The following NR1H4 variants were observed in gnomAD, a reference collection of about 807,000 sequenced individuals.
NR1H4 encodes the protein nuclear receptor subfamily 1 group H member 4.
A neutral mutation model predicts 58.5 loss-of-function variants in NR1H4; 23 were observed. The observed-to-expected ratio is 0.39, with a 90% CI of 0.28 to 0.56. The LOEUF (loss-of-function observed/expected upper bound fraction) is 0.56, where lower values mean the gene tolerates loss of function less well. Among genes scored for constraint, NR1H4 ranks in the 20% least tolerant of loss-of-function variants. NR1H4 has a pLI of 0.58. For synonymous variants in NR1H4, 214 were observed against 198.0 expected, an observed-to-expected ratio of 1.08 and a Z score of -0.68; for missense variants, 487 against 576.9, an observed-to-expected ratio of 0.84 and a Z score of 1.60.
At chr12:100,511,501 C>G (rs185450571) in intron 4 of NR1H4, among the ~76,000 whole-genome samples, 4 of 152,044 alleles carry the variant, frequency 2.6e-5, no homozygotes, top group African/African-American at 9.6e-5. Flanking sequence ...ATGAACACAT[C>G]TCTTTTAAAA....
At chr12:100,560,062 A>G (rs1200417482) in intron 9 of NR1H4, among the ~76,000 whole-genome samples, 6 of 151,938 alleles carry the variant, frequency 3.9e-5, no homozygotes, top group Admixed American at 6.6e-5. Context: ...GAATGCACCA[A>G]TCGACACTCT....
intron 1 of NR1H4, among the ~76,000 whole-genome samples, chr12:100,478,979 T>C (rs1249967231): frequency 1.3e-5 from 2 of 152,192 alleles, no homozygotes; most frequent in Non-Finnish European, 2.9e-5. Flanking sequence ...TTCCTAATTA[T>C]TATTAGTTTC....
At chr12:100,488,375 A>G (rs1953540152) in intron 1 of NR1H4, among the ~76,000 whole-genome samples, 3 of 152,204 alleles carry the variant, frequency 2.0e-5, no homozygotes, top group South Asian at 4.1e-4. Context: ...GCCTTTTGGC[A>G]TGGAAAATGA....
chr12:100,545,359 G>T (rs973940610), intron 9 of NR1H4, among the ~76,000 whole-genome samples: 3 of 152,024 alleles, frequency 2.0e-5, no homozygotes, highest in Admixed American at 2.0e-4. Context: ...CATATATAAG[G>T]CTGAGCATGC....
chr12:100,530,561 C>T (rs767400066), intron 4 of NR1H4, among the ~76,000 whole-genome samples: 11 of 152,092 alleles, frequency 7.2e-5, no homozygotes, highest in Non-Finnish European at 1.6e-4. Flanking sequence ...AGTGGATATT[C>T]AAGAACCAGT....
chr12:100,498,366 C>T (rs146203353), intron 3 of NR1H4, among the ~76,000 whole-genome samples: 10 of 152,210 alleles, frequency 6.6e-5, no homozygotes, highest in Admixed American at 2.6e-4. Flanking sequence ...AGGCTGGGCG[C>T]GGGGGCTCAT....
chr12:100,527,751 G>T (rs1368750021), intron 4 of NR1H4, among the ~76,000 whole-genome samples: 1 of 152,078 alleles, frequency 6.6e-6, no homozygotes, highest in Non-Finnish European at 1.5e-5. Flanking sequence ...ATGGTGTTTG[G>T]TTTTTTGTCC....
chr12:100,475,224 C>A (rs1566421805), intron 1 of NR1H4, among the ~76,000 whole-genome samples: 1 of 152,026 alleles, frequency 6.6e-6, no homozygotes, highest in African/African-American at 2.4e-5. Flanking sequence ...AGGGAGCTAC[C>A]ATTTTGTTTC....
At chr12:100,520,033 G>C (rs545701138) in intron 4 of NR1H4, among the ~76,000 whole-genome samples, 1 of 152,268 alleles carries the variant, frequency 6.6e-6, no homozygotes, top group Admixed American at 6.5e-5. Flanking sequence ...AGGAAAACCA[G>C]AGGAGAAGGA....
At chr12:100,478,724 G>A (rs1056269772) in intron 1 of NR1H4, among the ~76,000 whole-genome samples, 6 of 151,986 alleles carry the variant, frequency 3.9e-5, no homozygotes, top group Admixed American at 3.9e-4. Context: ...TGCATTAGAG[G>A]CAATGCTACA....
intron 4 of NR1H4, among the ~76,000 whole-genome samples, chr12:100,515,795 A>T (rs1001055589): frequency 3.9e-5 from 6 of 152,180 alleles, no homozygotes; most frequent in African/African-American, 1.4e-4. Context: ...TTGATGCTCA[A>T]ATCATCGTGA....
intron 4 of NR1H4, among the ~76,000 whole-genome samples, chr12:100,524,492 C>A (rs964634803): frequency 1.3e-5 from 2 of 152,192 alleles, no homozygotes; most frequent in Non-Finnish European, 2.9e-5. Flanking sequence ...TATCCAAAGC[C>A]AAACTCCAGC....
chr12:100,560,350 ACT>A (rs1217190885), intron 9 of NR1H4, among the ~76,000 whole-genome samples: 1 of 151,846 alleles, frequency 6.6e-6, no homozygotes, highest in Non-Finnish European at 1.5e-5. Context: ...CTTTGCAATA[ACT>A]CTTGCTACTG....
chr12:100,502,237 A>AAGTG (rs1207128059), intron 3 of NR1H4, among the ~76,000 whole-genome samples: 1 of 152,240 alleles, frequency 6.6e-6, no homozygotes, highest in Non-Finnish European at 1.5e-5. Flanking sequence ...CAGAGCTAAT[A>AAGTG]AGTGCCAAGA....
chr12:100,523,024 CA>C (rs1352385371), intron 4 of NR1H4, among the ~76,000 whole-genome samples: 1 of 152,114 alleles, frequency 6.6e-6, no homozygotes, highest in African/African-American at 2.4e-5. Context: ...CATACATATG[CA>C]TGTGTCTTTT....
At chr12:100,500,718 GA>G (rs1953815115) in intron 3 of NR1H4, among the ~76,000 whole-genome samples, 1 of 152,114 alleles carries the variant, frequency 6.6e-6, no homozygotes, top group Non-Finnish European at 1.5e-5. Context: ...CTTGTTGTTT[GA>G]TAAGTATCTG....
At chr12:100,507,134 T>C (rs2136143285) in intron 3 of NR1H4, among the ~76,000 whole-genome samples, 1 of 152,276 alleles carries the variant, frequency 6.6e-6, no homozygotes, top group East Asian at 1.9e-4. Context: ...TACTTAACCT[T>C]ACTAGACCTG....
chr12:100,502,476 C>A (rs1347542283), intron 3 of NR1H4, among the ~76,000 whole-genome samples: 5 of 152,134 alleles, frequency 3.3e-5, no homozygotes, highest in Non-Finnish European at 5.9e-5. Flanking sequence ...CATCAACTTC[C>A]CTCTCTGTGT....
At chr12:100,503,436 C>T in intron 3 of NR1H4, 2 of 1,597,794 alleles carry the variant, frequency 1.3e-6, no homozygotes. Context: ...AATTAGTCCT[C>T]ACTGCAGCTG....
Sources: gnomAD v4.1 joint callset for allele counts (sites outside exome capture counted in the v4.1 genomes callset) on GRCh38, gnomAD v4.1.1 for gene constraint, MANE v1.5 for transcripts, NCBI Gene and HGNC (gene_info 2026-07-23, HGNC 2026-07-21) for gene names.